The following BNIP2 variants were observed in gnomAD, a reference collection of about 807,000 sequenced individuals.
The protein encoded by BNIP2 is BCL2 interacting protein 2.
Under a neutral mutation model 43.4 loss-of-function variants are expected in BNIP2, and 36 were observed. That is an observed-to-expected ratio of 0.83 (90% CI 0.64 to 1.10). The LOEUF is 1.10. Among genes scored for constraint, BNIP2 ranks in the 50% least tolerant of loss-of-function variants. The pLI is 0.00. For synonymous variants in BNIP2, 146 were observed against 121.0 expected, an observed-to-expected ratio of 1.21 and a Z score of -1.35; for missense variants, 417 against 374.1, an observed-to-expected ratio of 1.11 and a Z score of -0.95.
At chr15:59,670,879 G>C (rs1161621936) in intron 7 of BNIP2, among the ~76,000 whole-genome samples, 1 of 152,084 alleles carries the variant, frequency 6.6e-6, no homozygotes, top group African/African-American at 2.4e-5. Context: ...TTCGAGACCA[G>C]CCTGACCAAC....
chr15:59,665,876 C>T (rs1362386000), intron 9 of BNIP2, among the ~76,000 whole-genome samples: 1 of 152,090 alleles, frequency 6.6e-6, no homozygotes, highest in African/African-American at 2.4e-5. Flanking sequence ...CATTACTATG[C>T]CCACCTGAAT....
intron 4 of BNIP2, 62 bp from the exon 5 acceptor site, chr15:59,678,149 T>TA: frequency 6.6e-7 from 1 of 1,509,304 alleles, no homozygotes. Context: ...AATTATACGT[T>TA]AACCACTTTA....
At position 59,689,259 on chromosome 15, in the gene BNIP2, C is replaced by T; in HGVS notation, c.-182G>A. ...CTCCCCTCGGTCGGCGGTGGAGACC[C>T]CGGCCCAATCCCCCGGCCGCAGCGG... is the stretch of plus-strand genomic sequence containing the variant. On this transcript the variant is annotated 5_prime_UTR_variant, in exon 1 of 10. Coordinates refer to ENST00000607373, the MANE Select transcript of BNIP2 (RefSeq NM_004330.4). The T allele has an allele frequency of 1.3e-6, 2 of 1,544,382 alleles. No homozygotes were observed. Among genetic ancestry groups the T allele is most frequent in the East Asian group, 2.4e-5 (1 of 40,820 alleles).
chr15:59,677,042 T>C, intron 5 of BNIP2: 1 of 1,612,048 alleles, frequency 6.2e-7, no homozygotes, highest in African/African-American at 1.3e-5. Flanking sequence ...TTGATTCCCT[T>C]GGCATTCAGA....
rs1192283867 is a variant in BNIP2 at position 59,660,947 on chromosome 15, CA to C, written c.*3121del. On this transcript the variant is annotated 3_prime_UTR_variant, in exon 10 of 10. Coordinates refer to ENST00000607373, the MANE Select transcript of BNIP2 (RefSeq NM_004330.4). ...TATCAACTTTTCCCCCTTCAATCCA[CA>C]GTCTTTATTCACATACCTTGCGTAT... 1.3e-5 allele frequency: 2 copies of C among 152,306 alleles called. No individual in the cohort carries two copies. Among genetic ancestry groups the C allele is most frequent in the African/African-American group, 4.8e-5 (2 of 41,562 alleles). The allele number at this position is 152,306 out of a possible 1,614,324, so 9.4% of individuals were successfully genotyped here.
intron 8 of BNIP2, 56 bp from the exon 9 acceptor site, chr15:59,669,046 C>T (rs564193293): frequency 8.5e-6 from 12 of 1,408,318 alleles, no homozygotes; most frequent in East Asian, 2.3e-5. Flanking sequence ...ACAATGGATA[C>T]AATGTTTACA....
At chr15:59,665,325 T>C (rs2141985466) in intron 9 of BNIP2, 1 of 148,722 alleles carries the variant, frequency 6.7e-6, no homozygotes, top group Middle Eastern at 3.5e-3. Flanking sequence ...TATAAATTAA[T>C]TATTGGCTAG....
intron 2 of BNIP2, among the ~76,000 whole-genome samples, chr15:59,681,265 C>T (rs6151496): frequency 0.26 from 40,151 of 151,974 alleles, 5,579 homozygotes; most frequent in East Asian, 0.54. Flanking sequence ...CTGACAAGTA[C>T]GGCACGGAAG....
chr15:59,688,319 T>C (rs895662165), intron 1 of BNIP2, among the ~76,000 whole-genome samples: 1 of 152,180 alleles, frequency 6.6e-6, no homozygotes, highest in Non-Finnish European at 1.5e-5. Flanking sequence ...TCCTATAAAA[T>C]GTTAGAAAAA....
chr15:59,685,614 A>T (rs1893963588), intron 1 of BNIP2, among the ~76,000 whole-genome samples: 1 of 152,184 alleles, frequency 6.6e-6, no homozygotes, highest in Admixed American at 6.5e-5. Context: ...TTAATATCAT[A>T]TTGAATCATG....
intron 6 of BNIP2, among the ~76,000 whole-genome samples, 193 bp from the exon 7 acceptor site, chr15:59,671,507 A>G (rs1185925969): frequency 1.3e-5 from 2 of 152,218 alleles, no homozygotes; most frequent in Non-Finnish European, 2.9e-5. Context: ...TTTCTAGGTG[A>G]AATGATTTGC....
rs1218221413 is a variant in BNIP2, at chr15:59,659,311, C to T, written c.*4758G>A. ...TTACAGGGACCACATTAATATCTTG[C>T]ACACACAGACATCAGAACTGAATTT... is the stretch of plus-strand genomic sequence containing the variant. On this transcript the variant is annotated 3_prime_UTR_variant, in exon 10 of 10. Transcript: ENST00000607373. 1 of 152,204 alleles carries T rather than the reference C, an allele frequency of 6.6e-6. No individual in the cohort carries two copies. Among genetic ancestry groups the T allele is most frequent in the African/African-American group, 2.4e-5 (1 of 41,458 alleles). 9.4% of individuals were successfully genotyped at this position (152,204 alleles called of 1,614,324 possible).
rs372066102 is a variant in BNIP2 at position 59,674,059 on chromosome 15, C to T, written c.473-1320G>A. On this transcript the variant is annotated intron_variant, in intron 5 of 9. Transcript: ENST00000607373. ...GAGTCGAGACTGCACCACTGCACTC[C>T]AGCCTGGGCAACAGAGCAAGACTTG... Among the ~76,000 whole-genome samples, 23 of 140,424 alleles carry T rather than the reference C, an allele frequency of 1.6e-4. No individual in the cohort carries two copies. In the South Asian group the frequency reaches 5.3e-3, roughly 32 times the overall value. The allele number at this position is 140,424 out of a possible 152,430, so 92.1% of individuals were successfully genotyped here.
At position 59,677,945 on chromosome 15, in the gene BNIP2, T is replaced by C. The variant is rs1275261330; in HGVS notation, c.438A>G (p.Ala146=). ...TGATAACTTTTTTATAGGGTTCAAT[T>C]GCCTTCATATCAACCCTGTGGTCCT... The part of the protein sequence containing the change: ...GEQDHRVDMK[A]IEPYKKVISH... Residue 146 remains alanine (A), a synonymous_variant, in exon 5 of 10, where the codon GCA becomes GCG. Transcript: ENST00000607373. The C allele has an allele frequency of 6.2e-7, 1 of 1,613,020 alleles. No individual in the cohort carries two copies. Among genetic ancestry groups the C allele is most frequent in the Non-Finnish European group, 8.5e-7 (1 of 1,179,604 alleles).
At chr15:59,677,279 G>A (rs757122721) in intron 5 of BNIP2, 5 of 1,591,010 alleles carry the variant, frequency 3.1e-6, no homozygotes, top group Non-Finnish European at 3.4e-6. Flanking sequence ...GGAGCTGCCA[G>A]GGGATCCTGG....
intron 9 of BNIP2, among the ~76,000 whole-genome samples, chr15:59,667,589 T>A (rs778751365): frequency 1.3e-5 from 2 of 152,226 alleles, no homozygotes; most frequent in Admixed American, 1.3e-4. Context: ...TTTTATCACA[T>A]GTAGAATTTG....
At chr15:59,672,857 T>C (rs1893022031) in intron 5 of BNIP2, 118 bp from the exon 6 acceptor site, 2 of 660,914 alleles carry the variant, frequency 3.0e-6, no homozygotes, top group South Asian at 2.3e-5. Flanking sequence ...GATTTCTGTA[T>C]TAAATGTATG....
chr15:59,659,521 G>A lies in BNIP2; in HGVS notation c.*4548C>T, dbSNP rs1488295450. 6.6e-6 allele frequency: 1 copy of A among 152,198 alleles called. No homozygotes were observed. The highest frequency in any genetic ancestry group is 1.5e-5 in the Non-Finnish European group (1 of 68,028). The allele number at this position is 152,198 out of a possible 1,614,324, so 9.4% of individuals were successfully genotyped here. ...GTGTGAATAGTGCTCCAAGGGCTGT[G>A]CAAGTCAGTGGCCCTGAACATCATC... On this transcript the variant is annotated 3_prime_UTR_variant, in exon 10 of 10. Coordinates refer to ENST00000607373, the MANE Select transcript of BNIP2 (RefSeq NM_004330.4).
chr15:59,689,278 G>A lies in BNIP2; in HGVS notation c.-201C>T, dbSNP rs1894229648. The A allele has an allele frequency of 1.9e-6, 3 of 1,545,740 alleles. No homozygotes were observed. The highest frequency in any genetic ancestry group is 2.4e-5 in the South Asian group (2 of 83,986). ...GAGACCCCGGCCCAATCCCCCGGCCGCAGCGGTACGGCGTCGGCGGCAGCA... is the reference window on the plus strand; with the variant it reads ...GAGACCCCGGCCCAATCCCCCGGCCACAGCGGTACGGCGTCGGCGGCAGCA... On this transcript the variant is annotated 5_prime_UTR_variant, in exon 1 of 10. Transcript: ENST00000607373.
Sources: gnomAD v4.1 joint callset for allele counts (sites outside exome capture counted in the v4.1 genomes callset) on GRCh38, gnomAD v4.1.1 for gene constraint, MANE v1.5 for transcripts, NCBI Gene and HGNC (gene_info 2026-07-23, HGNC 2026-07-21) for gene names.